The following UBE2QL1 variants were observed in gnomAD, a reference collection of about 807,000 sequenced individuals.
UBE2QL1 encodes the protein ubiquitin conjugating enzyme E2 QL1, also known as ubiquitin-conjugating enzyme E2Q-like protein 1.
Under a neutral mutation model 12.6 loss-of-function variants are expected in UBE2QL1, and 5 were observed. The ratio of observed to expected loss-of-function variants is 0.40; its 90% CI spans 0.21 to 0.83. The LOEUF (loss-of-function observed/expected upper bound fraction) is 0.83, where lower values mean the gene tolerates loss of function less well. Ranked by LOEUF, UBE2QL1 falls within the 40% of genes least tolerant of loss-of-function variation. The pLI is 0.37. For missense variants in UBE2QL1, 99 were observed against 222.6 expected (o/e 0.44, Z 3.53); for synonymous variants, 96 against 94.5 (o/e 1.02, Z -0.10).
intron 1 of UBE2QL1, among the ~76,000 whole-genome samples, chr5:6,457,473 A>G (rs1353453233): frequency 6.6e-6 from 1 of 152,056 alleles, no homozygotes; most frequent in Non-Finnish European, 1.5e-5. Flanking sequence ...AATGTCCAAC[A>G]CTTTGTTTGT....
intron 1 of UBE2QL1, among the ~76,000 whole-genome samples, chr5:6,484,236 G>A (rs190605986): frequency 1.4e-3 from 209 of 152,294 alleles, no homozygotes; most frequent in Non-Finnish European, 2.6e-3. Context: ...TGTTGGCGTC[G>A]GAGGGGCAGC....
In UBE2QL1 at chr5:6,495,132, G is replaced by A. The variant is rs1489812283; in HGVS notation, c.*3783G>A. On this transcript the variant is annotated 3_prime_UTR_variant, in exon 2 of 2. Coordinates refer to ENST00000399816, the MANE Select transcript of UBE2QL1 (RefSeq NM_001145161.3). ...GGCTGAGGGCACCTTGAAAGGGAGCGTGGACTCTGTCCTCACTGGCCCTGA... is the reference window on the plus strand; with the variant it reads ...GGCTGAGGGCACCTTGAAAGGGAGCATGGACTCTGTCCTCACTGGCCCTGA... 2.6e-5 allele frequency among the ~76,000 whole-genome samples: 4 copies of A among 152,110 alleles called. No homozygotes were observed. The highest frequency in any genetic ancestry group is 4.8e-5 in the African/African-American group (2 of 41,410).
intron 1 of UBE2QL1, among the ~76,000 whole-genome samples, chr5:6,463,097 G>A (rs2126337819): frequency 1.3e-5 from 2 of 152,162 alleles, no homozygotes; most frequent in South Asian, 4.2e-4. Flanking sequence ...TTGGTACATT[G>A]CACCCAATCT....
rs1734316222 is a variant in UBE2QL1, at chr5:6,479,527, GAA to G, written c.355-11690_355-11689del. 1.3e-5 allele frequency among the ~76,000 whole-genome samples: 2 copies of G among 152,164 alleles called. No individual in the cohort carries two copies. The highest frequency in any genetic ancestry group is 2.9e-5 in the Non-Finnish European group (2 of 68,038). On this transcript the variant is annotated intron_variant, in intron 1 of 1. Transcript: ENST00000399816. The surrounding 1 kb of genome is among the most constrained non-coding windows in gnomAD (Gnocchi z 4.2). ...CAAGGAGTAAAATGTTGAAGCAAAT[GAA>G]GAGGTGCTGATGTCTGTATCCTCCG...
intron 1 of UBE2QL1, among the ~76,000 whole-genome samples, chr5:6,462,023 C>T (rs544227071): frequency 2.0e-5 from 3 of 152,228 alleles, no homozygotes; most frequent in African/African-American, 7.2e-5. Flanking sequence ...CCTTATTGGC[C>T]ATGATGAAGG....
In UBE2QL1 at chr5:6,448,969, G is replaced by C; in HGVS notation, c.76G>C (p.Asp26His). 1 of 1,549,362 alleles carries C rather than the reference G, an allele frequency of 6.5e-7. No individual in the cohort carries two copies. Among genetic ancestry groups the C allele is most frequent in the Non-Finnish European group, 8.7e-7 (1 of 1,146,082 alleles). Reference protein sequence around the residue: ...SVELVDESLFDWNVKLHQVDK... With the variant: ...SVELVDESLFHWNVKLHQVDK... ...GGAGCTGGTGGACGAGAGCCTGTTC[G>C]ACTGGAACGTGAAGCTGCACCAGGT... The change falls in exon 1 of 2, where the codon GAC becomes CAC. Residue 26 changes from aspartate to histidine, a missense_variant. Physicochemically the swap from Asp to His is moderately conservative, Grantham distance 81. Coordinates refer to ENST00000399816, the MANE Select transcript of UBE2QL1 (RefSeq NM_001145161.3).
At chr5:6,488,657 G>T (rs911243301) in intron 1 of UBE2QL1, among the ~76,000 whole-genome samples, 2 of 151,936 alleles carry the variant, frequency 1.3e-5, no homozygotes, top group African/African-American at 4.8e-5. Context: ...TTAACTGGCT[G>T]TATGTGGTGA....
rs71606052 is a variant in UBE2QL1, at chr5:6,461,540, A to ACCCCCCCCCC, written c.354+12295_354+12296insCCCCCCCCCC. Among the ~76,000 whole-genome samples the ACCCCCCCCCC allele has an allele frequency of 8.3e-4, 39 of 46,816 alleles. 1 individual carries two copies. The highest frequency in any genetic ancestry group is 9.7e-4 in the Non-Finnish European group (20 of 20,680). The allele number at this position is 46,816 out of a possible 152,430, so 30.7% of individuals were successfully genotyped here. A position where few individuals can be genotyped will look rare whatever the true frequency, so the allele number is the denominator to read the frequency against. Reference sequence around the variant, plus strand: ...CTATCCCCAGTGTTTTTCAGCACCCACCACCCCCCCCCGCCGGCATATCAT... The same window carrying ACCCCCCCCCC: ...CTATCCCCAGTGTTTTTCAGCACCCACCCCCCCCCCCCACCCCCCCCCGCCGGCATATCAT... On this transcript the variant is annotated intron_variant, in intron 1 of 1. Transcript: ENST00000399816.
chr5:6,482,128 A>G (rs1734374776), intron 1 of UBE2QL1, among the ~76,000 whole-genome samples: 1 of 152,216 alleles, frequency 6.6e-6, no homozygotes, highest in Non-Finnish European at 1.5e-5. Flanking sequence ...CCGTATGGCA[A>G]TGGAGGCAGA....
At chr5:6,465,607 A>T (rs906632132) in intron 1 of UBE2QL1, among the ~76,000 whole-genome samples, 24 of 152,134 alleles carry the variant, frequency 1.6e-4, no homozygotes, top group African/African-American at 5.3e-4. Flanking sequence ...TCGTTTCAAC[A>T]GGGACTCTTG....
chr5:6,483,532 G>A (rs115067886), intron 1 of UBE2QL1, among the ~76,000 whole-genome samples: 66 of 152,328 alleles, frequency 4.3e-4, no homozygotes, highest in African/African-American at 1.5e-3. Context: ...TGTCAGCAGG[G>A]CGCAGCCAGC....
chr5:6,474,297 C>T (rs1239430839), intron 1 of UBE2QL1, among the ~76,000 whole-genome samples: 1 of 152,234 alleles, frequency 6.6e-6, no homozygotes, highest in Non-Finnish European at 1.5e-5. Context: ...GGAGTACGTG[C>T]ATGGCATTGG....
intron 1 of UBE2QL1, among the ~76,000 whole-genome samples, chr5:6,477,016 G>A (rs1054395084): frequency 6.6e-6 from 1 of 152,092 alleles, no homozygotes. Context: ...CACCAGTGCT[G>A]GAGGTCCACA....
intron 1 of UBE2QL1, among the ~76,000 whole-genome samples, chr5:6,454,084 T>C (rs558447477): frequency 1.3e-5 from 2 of 152,262 alleles, no homozygotes; most frequent in East Asian, 3.9e-4. Flanking sequence ...GGTCTCACTA[T>C]GTTGCCCAGC....
intron 1 of UBE2QL1, among the ~76,000 whole-genome samples, chr5:6,451,943 C>G (rs1349998622): frequency 2.0e-5 from 3 of 152,142 alleles, no homozygotes; most frequent in Non-Finnish European, 4.4e-5. Flanking sequence ...ACTGGGACAG[C>G]TACCAAACCG....
intron 1 of UBE2QL1, among the ~76,000 whole-genome samples, chr5:6,458,063 T>G (rs1344971023): frequency 2.0e-5 from 3 of 152,244 alleles, no homozygotes; most frequent in African/African-American, 7.2e-5. Flanking sequence ...ATTACAGCTT[T>G]ATTTATTTTG....
In UBE2QL1 at chr5:6,492,770, T is replaced by C. The variant is rs891990803; in HGVS notation, c.*1421T>C. The C allele has an allele frequency of 1.3e-5, 2 of 152,236 alleles. No individual in the cohort carries two copies. The highest frequency in any genetic ancestry group is 2.9e-5 in the Non-Finnish European group (2 of 68,042). The allele number at this position is 152,236 out of a possible 1,614,324, so 9.4% of individuals were successfully genotyped here. A position where few individuals can be genotyped will look rare whatever the true frequency, so the allele number is the denominator to read the frequency against. On this transcript the variant is annotated 3_prime_UTR_variant, in exon 2 of 2. Coordinates refer to ENST00000399816, the MANE Select transcript of UBE2QL1 (RefSeq NM_001145161.3). ...ATAGTCTTTGCAAAAATTCAGTAGA[T>C]TGAAATAGTCCCCAGAAGCAGCCAA...
intron 1 of UBE2QL1, among the ~76,000 whole-genome samples, chr5:6,473,081 G>A (rs960443686): frequency 6.6e-6 from 1 of 152,086 alleles, no homozygotes; most frequent in Non-Finnish European, 1.5e-5. Context: ...TCTCTCTTCT[G>A]CTCAGTTCCC....
intron 1 of UBE2QL1, among the ~76,000 whole-genome samples, chr5:6,464,909 A>G (rs1261565871): frequency 2.0e-5 from 3 of 152,176 alleles, no homozygotes; most frequent in Admixed American, 2.0e-4. Flanking sequence ...GATTACCAAT[A>G]GCACCCTCAT....
Sources: gnomAD v4.1 joint callset for allele counts (sites outside exome capture counted in the v4.1 genomes callset) on GRCh38, gnomAD v4.1.1 for gene constraint, Gnocchi (gnomAD v3.1) non-coding constraint, MANE v1.5 for transcripts, NCBI Gene and HGNC (gene_info 2026-07-23, HGNC 2026-07-21) for gene names.